BCL2A1: variants seen among roughly 807,000 people sequenced by gnomAD.
BCL2A1 encodes the protein BCL2 related protein A1.
Under a neutral mutation model 14.4 loss-of-function variants are expected in BCL2A1, and 10 were observed. The ratio of observed to expected loss-of-function variants is 0.69; its 90% CI spans 0.43 to 1.18. The LOEUF (loss-of-function observed/expected upper bound fraction) is 1.18, where lower values mean the gene tolerates loss of function less well. Among genes scored for constraint, BCL2A1 ranks in the 50% most tolerant of loss-of-function variants. The pLI is 0.00. For missense variants in BCL2A1, 158 were observed against 205.0 expected, an observed-to-expected ratio of 0.77 and a Z score of 1.40; for synonymous variants, 71 against 76.5, an observed-to-expected ratio of 0.93 and a Z score of 0.38.
rs1138358 is a variant in BCL2A1, at chr15:79,971,003, A to C, written c.117T>G (p.Asn39Lys). Residue 39 changes from asparagine (N) to lysine (K), a missense_variant, in exon 1 of 2, where the codon AAT (asparagine) becomes AAG (lysine). Asn to Lys is a moderately conservative substitution (Grantham distance 94). Coordinates refer to ENST00000267953, the MANE Select transcript of BCL2A1 (RefSeq NM_004049.4). ...GPSKTSRVLQ[N>K]VAFSVQKEVE... is the part of the protein sequence containing the mutation. ...CTTCTTTTTGGACTGAGAACGCAAC[A>C]TTTTGTAGCACTCTGGACGTTTTGC... is the stretch of plus-strand genomic sequence containing the variant. 477,751 of 1,613,772 alleles carry C rather than the reference A, an allele frequency of 0.3. 77,971 individuals are homozygous for C. The highest frequency in any genetic ancestry group is 0.6 in the African/African-American group (44,601 of 74,928).
At chr15:79,961,308 A>T in intron 1 of BCL2A1, 134 bp from the exon 2 acceptor site, 1 of 817,734 alleles carries the variant, frequency 1.2e-6, no homozygotes, top group Non-Finnish European at 1.9e-6. Flanking sequence ...AAGCAGCAGC[A>T]TCTAACAGAA....
rs553545563 is a variant in BCL2A1 at position 79,971,103 on chromosome 15, A to G, written c.17T>C (p.Phe6Ser). 1.9e-6 allele frequency: 3 copies of G among 1,613,276 alleles called. No individual in the cohort carries two copies. Among genetic ancestry groups the G allele is most frequent in the South Asian group, 1.1e-5 (1 of 91,070 alleles). Residue 6 changes from phenylalanine to serine, a missense_variant, in exon 1 of 2, where the codon TTT (phenylalanine) becomes TCT (serine). Physicochemically the swap from Phe to Ser is radical, Grantham distance 155 (BLOSUM62 -2). Coordinates refer to ENST00000267953, the MANE Select transcript of BCL2A1 (RefSeq NM_004049.4). MTDCE[F>S]GYIYRLAQDY... ...CTGAGCCAGCCTGTAAATATATCCA[A>G]ATTCACAGTCTGTCATCTTCTGCCT... is the stretch of plus-strand genomic sequence containing the variant.
Position 79,963,235 on chromosome 15 carries a change from G to A in BCL2A1, c.421-2061C>T, listed in dbSNP as rs533130963. Among the ~76,000 whole-genome samples the A allele has an allele frequency of 1.6e-4, 25 of 151,532 alleles. No individual in the cohort carries two copies. The East Asian group carries it at 3.5e-3, about 21-fold the overall frequency. On this transcript the variant is annotated intron_variant, in intron 1 of 1. Transcript: ENST00000267953. Reference sequence around the variant, plus strand: ...GATCTCTTGACCTCATGATCCACCCGCCTCGGCCTCCCAAAGTGCTGGGGT... The same window carrying A: ...GATCTCTTGACCTCATGATCCACCCACCTCGGCCTCCCAAAGTGCTGGGGT...
In BCL2A1 at chr15:79,971,143, T is replaced by TCTTG; in HGVS notation, c.-28_-25dup. On this transcript the variant is annotated 5_prime_UTR_variant, in exon 1 of 2. Transcript: ENST00000267953. ...ATCTTCTGCCTGGTGGAGAGCAAAG[T>TCTTG]CTTGAGCTGGCTCACCTTGAAGCTG... 6.2e-7 allele frequency: 1 copy of TCTTG among 1,604,102 alleles called. No homozygotes were observed. Among genetic ancestry groups the TCTTG allele is most frequent in the Non-Finnish European group, 8.5e-7 (1 of 1,173,934 alleles).
At chr15:79,969,214 C>G (rs7171710) in intron 1 of BCL2A1, among the ~76,000 whole-genome samples, 3 of 152,192 alleles carry the variant, frequency 2.0e-5, no homozygotes, top group African/African-American at 7.2e-5. Flanking sequence ...CAGCAACCTA[C>G]TGTTAGTCAG....
chr15:79,968,301 C>T (rs899334519), intron 1 of BCL2A1, among the ~76,000 whole-genome samples: 12 of 149,958 alleles, frequency 8.0e-5, no homozygotes, highest in Non-Finnish European at 1.6e-4. Flanking sequence ...TGCCAGAGAA[C>T]ATTTGCCTTC....
chr15:79,965,050 T>C (rs549918240), intron 1 of BCL2A1, among the ~76,000 whole-genome samples: 1 of 152,156 alleles, frequency 6.6e-6, no homozygotes, highest in Non-Finnish European at 1.5e-5. Context: ...AGTCAGGATT[T>C]TGTGCTTTTG....
intron 1 of BCL2A1, among the ~76,000 whole-genome samples, chr15:79,967,305 C>T (rs1206988003): frequency 6.6e-6 from 1 of 151,570 alleles, no homozygotes; most frequent in Non-Finnish European, 1.5e-5. Flanking sequence ...CAACCTCCGC[C>T]TCCCAGGTTC....
At chr15:79,964,811 T>C (rs2035523005) in intron 1 of BCL2A1, among the ~76,000 whole-genome samples, 4 of 152,230 alleles carry the variant, frequency 2.6e-5, no homozygotes, top group African/African-American at 7.2e-5. Flanking sequence ...GGAAGACTTC[T>C]CTGAGGAGGC....
intron 1 of BCL2A1, among the ~76,000 whole-genome samples, chr15:79,968,475 G>T (rs2035564914): frequency 6.6e-6 from 1 of 152,206 alleles, no homozygotes. Flanking sequence ...ATTGAGAAAG[G>T]GGAGTAGCTG....
chr15:79,965,768 C>A (rs1178364343), intron 1 of BCL2A1, among the ~76,000 whole-genome samples: 3 of 151,886 alleles, frequency 2.0e-5, no homozygotes, highest in Admixed American at 1.3e-4. Context: ...AAAATTTTGC[C>A]CCAAAACTTA....
intron 1 of BCL2A1, chr15:79,967,781 G>C: frequency 1.2e-6 from 1 of 856,286 alleles, no homozygotes; most frequent in Non-Finnish European, 1.9e-6. Flanking sequence ...TTCCATGCCA[G>C]TTTGCACTGA....
chr15:79,970,803 T>G lies in BCL2A1; in HGVS notation c.317A>C (p.Gln106Pro), dbSNP rs866199356. ...EGILIKKLLR[Q>P]QIAPDVDTYK... is the part of the protein sequence containing the mutation. The stretch of plus-strand genomic sequence containing the variant: ...GGTATCCACATCCGGGGCAATTTGC[T>G]GTCGTAGAAGTTTCTTGATGAGAAT... Residue 106 changes from glutamine to proline, a missense_variant, in exon 1 of 2, where the codon CAG becomes CCG. By Grantham distance (76) the Gln-to-Pro change is moderately conservative (BLOSUM62 -1). Transcript: ENST00000267953. 20 of 1,614,232 alleles carry G rather than the reference T, an allele frequency of 1.2e-5. No individual in the cohort carries two copies. In the Middle Eastern group the frequency reaches 1.5e-3, roughly 120 times the overall value.
intron 1 of BCL2A1, among the ~76,000 whole-genome samples, chr15:79,964,559 T>C (rs2035520575): frequency 6.6e-6 from 1 of 152,190 alleles, no homozygotes; most frequent in African/African-American, 2.4e-5. Context: ...ATTCAGGAAA[T>C]ATTCATTGAG....
intron 1 of BCL2A1, among the ~76,000 whole-genome samples, chr15:79,963,708 G>T (rs940751150): frequency 2.0e-5 from 3 of 152,128 alleles, no homozygotes; most frequent in Non-Finnish European, 4.4e-5. Flanking sequence ...TCCAGTGTTA[G>T]AAATTTATCA....
In BCL2A1 at chr15:79,960,924, T is replaced by A. The variant is rs1388245890; in HGVS notation, c.*143A>T. 2.2e-6 allele frequency: 3 copies of A among 1,340,366 alleles called. No individual in the cohort carries two copies. The Admixed American group carries it at 6.3e-5, about 28-fold the overall frequency. The allele number at this position is 1,340,366 out of a possible 1,614,324, so 83.0% of individuals were successfully genotyped here. A position where few individuals can be genotyped will look rare whatever the true frequency, so the allele number is the denominator to read the frequency against. ...AAATACATACAATTTATTCATTACA[T>A]GGGGACAAAATTTCCATAACTCTGG... On this transcript the variant is annotated 3_prime_UTR_variant, in exon 2 of 2. Coordinates refer to ENST00000267953, the MANE Select transcript of BCL2A1 (RefSeq NM_004049.4).
intron 1 of BCL2A1, among the ~76,000 whole-genome samples, chr15:79,966,390 T>C (rs905597669): frequency 6.6e-6 from 1 of 152,190 alleles, no homozygotes; most frequent in African/African-American, 2.4e-5. Flanking sequence ...AATCATCCCA[T>C]CAGCAAATAT....
intron 1 of BCL2A1, among the ~76,000 whole-genome samples, chr15:79,966,317 G>C (rs756956840): frequency 3.3e-5 from 5 of 151,990 alleles, no homozygotes; most frequent in Admixed American, 2.0e-4. Context: ...TTTACCCAAG[G>C]TTATACCTCT....
intron 1 of BCL2A1, among the ~76,000 whole-genome samples, chr15:79,964,728 C>T (rs956607266): frequency 6.6e-6 from 1 of 152,170 alleles, no homozygotes; most frequent in African/African-American, 2.4e-5. Flanking sequence ...GTCATGAAAA[C>T]TATTATGAAG....
Sources: allele counts gnomAD v4.1 joint callset (sites outside exome capture counted in the v4.1 genomes callset), GRCh38; gene constraint gnomAD v4.1.1; transcripts MANE v1.5; gene names NCBI Gene and HGNC (gene_info 2026-07-23, HGNC 2026-07-21).